Variants in SLC38A6 observed in about 807,000 individuals in gnomAD.
SLC38A6 encodes solute carrier family 38 member 6, also known as N system amino acid transporter NAT-1.
SLC38A6 carries 73 observed loss-of-function variants against 65.0 expected under a neutral mutation model. The ratio of observed to expected loss-of-function variants is 1.12; its 90% confidence interval spans 0.93 to 1.37. The LOEUF (loss-of-function observed/expected upper bound fraction) is 1.37, where lower values mean the gene tolerates loss of function less well. Ranked by LOEUF, SLC38A6 falls within the 40% of genes most tolerant of loss-of-function variation. The pLI is 0.00. For missense variants in SLC38A6, 561 were observed against 531.1 expected, an observed-to-expected ratio of 1.06 and a Z score of -0.55; for synonymous variants, 183 against 178.8, an observed-to-expected ratio of 1.02 and a Z score of -0.19.
intron 12 of SLC38A6, among the ~76,000 whole-genome samples, chr14:61,046,927 A>T (rs1162885795): frequency 2.0e-5 from 3 of 152,160 alleles, no homozygotes; most frequent in African/African-American, 7.2e-5. Context: ...TCTGATCATC[A>T]TTAATAAAAC....
At chr14:61,010,573 A>G (rs568887637) in intron 3 of SLC38A6, among the ~76,000 whole-genome samples, 28 of 152,370 alleles carry the variant, frequency 1.8e-4, no homozygotes, top group African/African-American at 6.7e-4. Flanking sequence ...AGCGTAAGGA[A>G]GGGATCCAAG....
chr14:61,032,834 G>T (rs923403994), intron 6 of SLC38A6, among the ~76,000 whole-genome samples: 1 of 151,826 alleles, frequency 6.6e-6, no homozygotes, highest in Admixed American at 6.6e-5. Context: ...AGAGAAACAT[G>T]ATATTGATAA....
At chr14:60,992,472 C>T (rs1368822159) in intron 3 of SLC38A6, among the ~76,000 whole-genome samples, 1 of 111,786 alleles carries the variant, frequency 8.9e-6, no homozygotes, top group Non-Finnish European at 2.0e-5. Context: ...GCCATAACCC[C>T]TCCCCAGGAT....
chr14:61,005,892 A>C (rs997282178), intron 3 of SLC38A6, among the ~76,000 whole-genome samples: 3 of 152,320 alleles, frequency 2.0e-5, no homozygotes, highest in African/African-American at 7.2e-5. Context: ...CCAAAAGAAC[A>C]AAGCTGGAGG....
chr14:60,990,041 T>C, intron 3 of SLC38A6, among the ~76,000 whole-genome samples: 2 of 152,154 alleles, frequency 1.3e-5, no homozygotes, highest in Non-Finnish European at 2.9e-5. Context: ...TCTTTTCTTT[T>C]TTTTTTGAGA....
At chr14:61,040,449 C>G (rs1022287627) in intron 8 of SLC38A6, among the ~76,000 whole-genome samples, 1 of 151,212 alleles carries the variant, frequency 6.6e-6, no homozygotes, top group African/African-American at 2.4e-5. Context: ...ACAGCATTCT[C>G]TTGCCTCAGC....
intron 2 of SLC38A6, among the ~76,000 whole-genome samples, chr14:60,982,888 T>A (rs1315781556): frequency 6.6e-6 from 1 of 152,214 alleles, no homozygotes. Flanking sequence ...TATAATGAAA[T>A]ATGACACTTA....
chr14:60,993,797 A>G (rs2038077974), intron 3 of SLC38A6, among the ~76,000 whole-genome samples: 1 of 152,248 alleles, frequency 6.6e-6, no homozygotes, highest in Non-Finnish European at 1.5e-5. Context: ...AGAAATAGCC[A>G]AGTATCACCA....
intron 5 of SLC38A6, among the ~76,000 whole-genome samples, chr14:61,025,378 A>G (rs1167356650): frequency 1.3e-5 from 2 of 152,110 alleles, no homozygotes; most frequent in African/African-American, 4.8e-5. Context: ...ACTAGTTTGT[A>G]TTGTCTCTTG....
chr14:61,066,673 C>T (rs749187394), intron 15 of SLC38A6, among the ~76,000 whole-genome samples: 3 of 152,192 alleles, frequency 2.0e-5, no homozygotes, highest in Non-Finnish European at 2.9e-5. Flanking sequence ...AATCCATGCA[C>T]ATTCAAGTCC....
Position 61,052,358 on chromosome 14 carries a change from T to C in SLC38A6, c.1300T>C (p.Leu434=). The part of the protein sequence containing the change: ...LSWKKLGAFV[L]LIFGILVGNF... ...TTTCTTATTTCCACAGGCATTCGTT[T>C]TGCTCATCTTTGGAATTTTGGTTGG... The change falls in exon 16 of 16, where the codon TTG becomes CTG. Residue 434 remains leucine (L), a synonymous_variant. Coordinates refer to ENST00000267488, the MANE Select transcript of SLC38A6 (RefSeq NM_153811.3). 1 of 1,594,584 alleles carries C rather than the reference T, an allele frequency of 6.3e-7. No homozygotes were observed. The highest frequency in any genetic ancestry group is 8.5e-7 in the Non-Finnish European group (1 of 1,172,172).
intron 3 of SLC38A6, among the ~76,000 whole-genome samples, chr14:61,000,534 G>A (rs916414233): frequency 2.0e-5 from 3 of 152,196 alleles, no homozygotes; most frequent in South Asian, 2.1e-4. Context: ...GGGAGCCCGA[G>A]TCAGGAGAAT....
At chr14:60,984,699 G>A (rs1476431834) in intron 2 of SLC38A6, 31 bp from the exon 3 acceptor site, 1 of 1,609,132 alleles carries the variant, frequency 6.2e-7, no homozygotes, top group Non-Finnish European at 8.5e-7. Flanking sequence ...ACTTTTGGGA[G>A]GTTTTGACCA....
chr14:61,005,209 A>C (rs1595033510), intron 3 of SLC38A6, among the ~76,000 whole-genome samples: 1 of 151,972 alleles, frequency 6.6e-6, no homozygotes, highest in African/African-American at 2.4e-5. Context: ...TCTATGACAA[A>C]CCCACAGCCA....
intron 3 of SLC38A6, chr14:61,004,362 T>A (rs1003491210): frequency 6.6e-6 from 1 of 152,170 alleles, no homozygotes; most frequent in South Asian, 2.1e-4. Context: ...AATAGGTCAT[T>A]TGAAAAGCAG....
chr14:61,007,254 C>T (rs189175034), intron 3 of SLC38A6, among the ~76,000 whole-genome samples: 92 of 151,978 alleles, frequency 6.1e-4, no homozygotes, highest in East Asian at 9.7e-4. Flanking sequence ...AGCACACCAG[C>T]GTGGCACATG....
chr14:61,052,003 C>T (rs1338708063), intron 14 of SLC38A6, 38 bp from the exon 15 acceptor site: 2 of 1,597,008 alleles, frequency 1.3e-6, no homozygotes. Flanking sequence ...CATCTGAATC[C>T]AGCAATATCC....
intron 12 of SLC38A6, among the ~76,000 whole-genome samples, chr14:61,049,345 C>G (rs1350270750): frequency 2.0e-5 from 3 of 152,144 alleles, no homozygotes; most frequent in Non-Finnish European, 4.4e-5. Context: ...GATGCACATT[C>G]CCTTTGCTTT....
intron 16 of SLC38A6, among the ~76,000 whole-genome samples, chr14:61,083,169 C>T (rs2043723522): frequency 6.6e-6 from 1 of 152,182 alleles, no homozygotes; most frequent in African/African-American, 2.4e-5. Flanking sequence ...CTGTTGGGTT[C>T]AGCCAGAGAG....
Sources: gnomAD v4.1 joint callset for allele counts (sites outside exome capture counted in the v4.1 genomes callset) on GRCh38, gnomAD v4.1.1 for gene constraint, MANE v1.5 for transcripts, NCBI Gene and HGNC (gene_info 2026-07-23, HGNC 2026-07-21) for gene names.